CNGA1: variants seen among roughly 807,000 people sequenced by gnomAD.
The protein encoded by CNGA1 is cyclic nucleotide gated channel subunit alpha 1, also known as cyclic nucleotide-gated channel alpha-1.
In CNGA1, 53 loss-of-function variants were observed where a neutral mutation model predicts 69.7. The ratio of observed to expected loss-of-function variants is 0.76; its 90% CI spans 0.61 to 0.96. CNGA1 has a LOEUF of 0.96. Ranked by LOEUF, CNGA1 falls within the 40% of genes least tolerant of loss-of-function variation. The pLI is 0.00. For synonymous variants in CNGA1, 249 were observed against 283.5 expected (o/e 0.88, Z 1.22); for missense variants, 739 against 811.2 (o/e 0.91, Z 1.08).
At chr4:47,980,137 T>A (rs1393636725) in intron 3 of CNGA1, among the ~76,000 whole-genome samples, 2 of 152,210 alleles carry the variant, frequency 1.3e-5, no homozygotes, top group Non-Finnish European at 2.9e-5. Flanking sequence ...CTTCACTCCC[T>A]ACCCTCTTTT....
chr4:47,944,537 A>G (rs1263660509), intron 6 of CNGA1, among the ~76,000 whole-genome samples: 1 of 152,218 alleles, frequency 6.6e-6, no homozygotes, highest in Non-Finnish European at 1.5e-5. Context: ...ACAAAATGAA[A>G]TAAACATTAA....
intron 2 of CNGA1, among the ~76,000 whole-genome samples, chr4:47,993,889 T>C (rs902539930): frequency 2.6e-5 from 4 of 152,108 alleles, no homozygotes; most frequent in Admixed American, 2.6e-4. Flanking sequence ...ACTATTGTCG[T>C]TCAGTTCAAA....
Position 47,936,853 on chromosome 4 carries a change from G to T in CNGA1, c.1629C>A (p.Ile543=). Residue 543 remains isoleucine, a synonymous_variant, in exon 11 of 11, where the codon ATC becomes ATA. Coordinates refer to ENST00000514170, the MANE Select transcript of CNGA1 (RefSeq NM_001379270.1). ...TGCTCCCTTTAATGTTAAGAATGCTGATCTCACCGAAGTAGCTGCCATCGC... is the reference window on the plus strand; with the variant it reads ...TGCTCCCTTTAATGTTAAGAATGCTTATCTCACCGAAGTAGCTGCCATCGC... The part of the protein sequence containing the change: ...VLSDGSYFGE[I]SILNIKGSKA... 6.2e-7 allele frequency: 1 copy of T among 1,614,064 alleles called. No individual in the cohort carries two copies. The highest frequency in any genetic ancestry group is 8.5e-7 in the Non-Finnish European group (1 of 1,180,022).
intron 3 of CNGA1, among the ~76,000 whole-genome samples, chr4:47,968,906 A>G (rs1740869327): frequency 6.6e-6 from 1 of 152,134 alleles, no homozygotes; most frequent in African/African-American, 2.4e-5. Context: ...TAGAAATTAA[A>G]CTGGTTTAAT....
chr4:47,992,749 G>T lies in CNGA1; in HGVS notation c.-122-11249C>A, dbSNP rs7670570. The stretch of plus-strand genomic sequence containing the variant: ...TATGTTGAAGAGGAGTGGTGAGAGT[G>T]GGCATCCTTGTCTTGTTCCAGTTCT... On this transcript the variant is annotated intron_variant, in intron 2 of 10. Transcript: ENST00000514170. Among the ~76,000 whole-genome samples, 1,372 of 151,924 alleles carry T rather than the reference G, an allele frequency of 9.0e-3. 18 individuals are homozygous for T. Among genetic ancestry groups the T allele is most frequent in the African/African-American group, 0.03 (1,258 of 41,436 alleles).
chr4:47,957,742 T>C (rs1301378049), intron 3 of CNGA1, among the ~76,000 whole-genome samples: 1 of 152,216 alleles, frequency 6.6e-6, no homozygotes, highest in Non-Finnish European at 1.5e-5. Context: ...AACATCTTTA[T>C]GCTATTTAAA....
chr4:47,945,917 A>G (rs966496892), intron 6 of CNGA1, among the ~76,000 whole-genome samples: 7 of 151,646 alleles, frequency 4.6e-5, no homozygotes, highest in African/African-American at 1.7e-4. Flanking sequence ...TAACACAGTG[A>G]CCCACTCTGT....
At position 47,962,800 on chromosome 4, in the gene CNGA1, T is replaced by C. The variant is rs180967352; in HGVS notation, c.-14-10097A>G. Among the ~76,000 whole-genome samples the C allele has an allele frequency of 3.1e-3, 479 of 152,316 alleles. 3 individuals carry two copies. Among genetic ancestry groups the C allele is most frequent in the Non-Finnish European group, 2.2e-3 (153 of 68,040 alleles). ...TTTAATATTAAAGTTGTCATAATTC[T>C]AGTATACCATTTCAATAATCCACTT... On this transcript the variant is annotated intron_variant, in intron 3 of 10. Transcript: ENST00000514170.
intron 2 of CNGA1, among the ~76,000 whole-genome samples, chr4:48,003,755 A>T (rs1714767907): frequency 6.6e-6 from 1 of 152,146 alleles, no homozygotes; most frequent in South Asian, 2.1e-4. Flanking sequence ...TTATGCCCAG[A>T]CAGGGCCACC....
intron 3 of CNGA1, among the ~76,000 whole-genome samples, chr4:47,974,205 A>AG (rs1553866999): frequency 6.6e-6 from 1 of 151,954 alleles, no homozygotes; most frequent in Admixed American, 6.6e-5. Context: ...ATAGTATCAT[A>AG]CATTTTATTT....
At chr4:47,968,325 G>GT (rs1429335011) in intron 3 of CNGA1, among the ~76,000 whole-genome samples, 12 of 152,028 alleles carry the variant, frequency 7.9e-5, no homozygotes, top group East Asian at 1.9e-4. Flanking sequence ...TTCTAGGGGA[G>GT]TTTTTTTTAA....
At chr4:47,984,647 A>AAAATATATAT (rs141458781) in intron 2 of CNGA1, among the ~76,000 whole-genome samples, 16 of 64,440 alleles carry the variant, frequency 2.5e-4, no homozygotes, top group Non-Finnish European at 6.4e-4. Flanking sequence ...AAATAAAAAA[A>AAAATATATAT]ATATATATAT....
At chr4:47,961,893 G>A (rs1304270568) in intron 3 of CNGA1, among the ~76,000 whole-genome samples, 1 of 152,080 alleles carries the variant, frequency 6.6e-6, no homozygotes, top group Non-Finnish European at 1.5e-5. Context: ...AGTGTGTTTG[G>A]AACAACTTGA....
At chr4:47,992,297 G>GC (rs941431349) in intron 2 of CNGA1, among the ~76,000 whole-genome samples, 1 of 152,134 alleles carries the variant, frequency 6.6e-6, no homozygotes, top group African/African-American at 2.4e-5. Flanking sequence ...CCATCCATGA[G>GC]CATGGGATGT....
At chr4:47,966,677 G>C (rs972926682) in intron 3 of CNGA1, among the ~76,000 whole-genome samples, 3 of 152,074 alleles carry the variant, frequency 2.0e-5, no homozygotes, top group African/African-American at 7.3e-5. Context: ...CTTCAAGGTT[G>C]CTGTTAACTG....
At chr4:47,968,017 C>A (rs1340792047) in intron 3 of CNGA1, among the ~76,000 whole-genome samples, 4 of 151,994 alleles carry the variant, frequency 2.6e-5, no homozygotes. Context: ...AGTCTGTGCC[C>A]AACTTAATAA....
At chr4:48,005,140 T>C (rs573686677) in intron 2 of CNGA1, among the ~76,000 whole-genome samples, 8 of 125,564 alleles carry the variant, frequency 6.4e-5, no homozygotes, top group East Asian at 5.6e-4. Context: ...TTATTTGAGA[T>C]GGAGTCTTGC....
intron 2 of CNGA1, among the ~76,000 whole-genome samples, chr4:47,996,918 G>T (rs1426112432): frequency 6.6e-6 from 1 of 151,914 alleles, no homozygotes; most frequent in African/African-American, 2.4e-5. Flanking sequence ...AAAATTAGCT[G>T]GGCTTGGCAC....
chr4:47,977,996 T>C (rs1240070465), intron 3 of CNGA1, among the ~76,000 whole-genome samples: 1 of 152,102 alleles, frequency 6.6e-6, no homozygotes, highest in Non-Finnish European at 1.5e-5. Context: ...CTGGCTAATT[T>C]TGTATTTTTA....
Sources: gnomAD v4.1 joint callset for allele counts (sites outside exome capture counted in the v4.1 genomes callset) on GRCh38, gnomAD v4.1.1 for gene constraint, MANE v1.5 for transcripts, NCBI Gene and HGNC (gene_info 2026-07-23, HGNC 2026-07-21) for gene names.